The following NRG1 variants were observed in gnomAD, a reference collection of about 807,000 sequenced individuals.
The protein encoded by NRG1 is pro-neuregulin-1, membrane-bound isoform.
In NRG1, 18 loss-of-function variants were observed where a neutral mutation model predicts 63.8. The observed-to-expected ratio is 0.28, with a 90% confidence interval of 0.19 to 0.42. The LOEUF (loss-of-function observed/expected upper bound fraction) is 0.42. Among genes scored for constraint, NRG1 ranks in the 10% least tolerant of loss-of-function variants. The pLI is 1.00. For synonymous variants in NRG1, 302 were observed against 301.3 expected (o/e 1.00, Z -0.02); for missense variants, 762 against 814.7 (o/e 0.94, Z 0.79).
At chr8:32,547,769 G>A (rs1422530331), upstream of NRG1, among the ~76,000 whole-genome samples, 1 of 152,124 alleles carries the variant, frequency 6.6e-6, no homozygotes, top group Admixed American at 6.5e-5. Flanking sequence ...CAGGGCTTTT[G>A]TACTTAAGTG....
intron 1 of NRG1, among the ~76,000 whole-genome samples, chr8:32,082,363 C>T (rs984050510): frequency 6.6e-6 from 1 of 151,916 alleles, no homozygotes; most frequent in South Asian, 2.1e-4. Context: ...CCTCCTCCTA[C>T]CCTCCACCCT....
chr8:32,081,417 C>T (rs1827448039), intron 1 of NRG1, among the ~76,000 whole-genome samples: 2 of 152,010 alleles, frequency 1.3e-5, no homozygotes. Context: ...TTTTACTCTC[C>T]TGCACATCTA....
intron 1 of NRG1, among the ~76,000 whole-genome samples, chr8:32,099,929 G>A (rs1021063358): frequency 1.3e-5 from 2 of 152,100 alleles, no homozygotes; most frequent in African/African-American, 4.8e-5. Flanking sequence ...AAGGTGGAGG[G>A]GGGAACATGG....
chr8:31,693,849 A>T (rs764973118), intron 1 of NRG1, among the ~76,000 whole-genome samples: 2 of 151,998 alleles, frequency 1.3e-5, no homozygotes, highest in African/African-American at 2.4e-5. Flanking sequence ...TATTACTGTT[A>T]TTATTGGAGA....
At chr8:32,735,136 T>C (rs1180551647) in intron 6 of NRG1, among the ~76,000 whole-genome samples, 1 of 152,190 alleles carries the variant, frequency 6.6e-6, no homozygotes, top group Admixed American at 6.6e-5. Flanking sequence ...ACTCTTCAGA[T>C]GTATATAGAG....
intron 1 of NRG1, among the ~76,000 whole-genome samples, chr8:31,735,240 A>C (rs1814544402): frequency 6.6e-6 from 1 of 152,126 alleles, no homozygotes; most frequent in Admixed American, 6.5e-5. Flanking sequence ...AATTTTTTCT[A>C]AGCCAAAAGT....
chr8:32,763,675 C>A, intron 11 of NRG1, 73 bp from the exon 12 acceptor site: 1 of 1,400,024 alleles, frequency 7.1e-7, no homozygotes, highest in Non-Finnish European at 9.7e-7. Flanking sequence ...ACCGTGAACT[C>A]TGTCCCCTTA....
intron 1 of NRG1, among the ~76,000 whole-genome samples, chr8:31,675,130 G>A (rs1379605635): frequency 6.6e-6 from 1 of 152,162 alleles, no homozygotes; most frequent in Non-Finnish European, 1.5e-5. Flanking sequence ...ATCACTTGAG[G>A]TCAGGAGTTC....
At chr8:32,242,099 C>A (rs1848155789) in intron 1 of NRG1, among the ~76,000 whole-genome samples, 3 of 152,030 alleles carry the variant, frequency 2.0e-5, no homozygotes, top group Admixed American at 2.0e-4. Context: ...TTAATTTGAC[C>A]AACAACTAAT....
chr8:32,594,558 C>T (rs774888256), intron 1 of NRG1, among the ~76,000 whole-genome samples: 11 of 152,186 alleles, frequency 7.2e-5, no homozygotes, highest in Non-Finnish European at 1.6e-4. Context: ...CCACAGTTAT[C>T]AGCTTCTTGG....
rs1813971388 is a variant in NRG1 at position 32,698,522 on chromosome 8, C to T, written c.503-29427C>T. 2.0e-5 allele frequency among the ~76,000 whole-genome samples: 3 copies of T among 152,152 alleles called. No individual in the cohort carries two copies. In the South Asian group the frequency reaches 6.2e-4, roughly 31 times the overall value. ...GTGTTTCAATAGCAGACATACCTGT[C>T]TTTATTGCAGTGGGGAGAAAGCCCA... On this transcript the variant is annotated intron_variant, in intron 5 of 11. Coordinates refer to ENST00000356819, the Ensembl canonical transcript of NRG1.
chr8:31,993,225 G>T (rs918325887), intron 1 of NRG1, among the ~76,000 whole-genome samples: 3 of 152,020 alleles, frequency 2.0e-5, no homozygotes, highest in African/African-American at 7.2e-5. Flanking sequence ...ACTGGCCAGA[G>T]AAAGTGGGGA....
chr8:31,825,545 G>T (rs947440857), intron 1 of NRG1, among the ~76,000 whole-genome samples: 3 of 152,130 alleles, frequency 2.0e-5, no homozygotes, highest in Non-Finnish European at 2.9e-5. Flanking sequence ...ATAGCCTGAG[G>T]TCAGGACTAT....
exon 11 of NRG1, chr8:32,760,317 T>G: frequency 6.2e-7 from 1 of 1,614,042 alleles, no homozygotes; most frequent in Non-Finnish European, 8.5e-7. Context: ...GACGTCTTAA[T>G]GGCACAGGAG....
chr8:31,750,883 C>G (rs1816392110), intron 1 of NRG1, among the ~76,000 whole-genome samples: 1 of 151,872 alleles, frequency 6.6e-6, no homozygotes, highest in South Asian at 2.1e-4. Flanking sequence ...TATAATTTGA[C>G]AATATCTTTT....
At chr8:31,846,648 T>C (rs1704923624) in intron 1 of NRG1, among the ~76,000 whole-genome samples, 1 of 152,198 alleles carries the variant, frequency 6.6e-6, no homozygotes, top group African/African-American at 2.4e-5. Context: ...TACAATGGAA[T>C]GTGTCATAAG....
intron 1 of NRG1, among the ~76,000 whole-genome samples, chr8:32,549,281 G>A (rs896003368): frequency 3.3e-5 from 5 of 152,254 alleles, no homozygotes; most frequent in African/African-American, 1.2e-4. Context: ...CGGTCCCCTC[G>A]GTGTGCCTGG....
intron 1 of NRG1, among the ~76,000 whole-genome samples, chr8:32,342,323 T>TATCA (rs1308740695): frequency 6.6e-6 from 1 of 152,220 alleles, no homozygotes; most frequent in Non-Finnish European, 1.5e-5. Context: ...ACAGATTGAC[T>TATCA]ATCAGTCATT....
At chr8:31,830,262 G>A (rs1166652164) in intron 1 of NRG1, among the ~76,000 whole-genome samples, 1 of 151,892 alleles carries the variant, frequency 6.6e-6, no homozygotes, top group Non-Finnish European at 1.5e-5. Context: ...TCCCAATTTG[G>A]TTATTGAAAA....
Sources: gnomAD v4.1 joint callset for allele counts (sites outside exome capture counted in the v4.1 genomes callset) on GRCh38, gnomAD v4.1.1 for gene constraint, MANE v1.5 for transcripts, NCBI Gene and HGNC (gene_info 2026-07-23, HGNC 2026-07-21) for gene names.